THUMPD2: variants seen among roughly 807,000 people sequenced by gnomAD.
The protein encoded by THUMPD2 is THUMP domain 2 tRNA and snRNA guanosine methyltransferase.
THUMPD2 carries 56 observed loss-of-function variants against 49.4 expected under a neutral mutation model. The ratio of observed to expected loss-of-function variants is 1.13; its 90% CI spans 0.91 to 1.41. The LOEUF (loss-of-function observed/expected upper bound fraction) is 1.41, where lower values mean the gene tolerates loss of function less well. THUMPD2 is among the 40% of genes most tolerant of loss of function. THUMPD2 has a pLI of 0.00. For missense variants in THUMPD2, 709 were observed against 594.5 expected, an observed-to-expected ratio of 1.19 and a Z score of -2.00; for synonymous variants, 237 against 205.2, an observed-to-expected ratio of 1.15 and a Z score of -1.32.
At chr2:39,773,075 A>T (rs189690030) in intron 1 of THUMPD2, among the ~76,000 whole-genome samples, 2 of 152,314 alleles carry the variant, frequency 1.3e-5, no homozygotes, top group Admixed American at 1.3e-4. Context: ...ATCAATATAT[A>T]AGGGGATAGT....
chr2:39,750,883 G>T (rs546921739), intron 8 of THUMPD2, among the ~76,000 whole-genome samples: 13 of 152,238 alleles, frequency 8.5e-5, no homozygotes, highest in Admixed American at 2.6e-4. Flanking sequence ...TTAAGAAATA[G>T]AAGCTCAATA....
chr2:39,773,552 T>A (rs1215484804), intron 1 of THUMPD2, among the ~76,000 whole-genome samples: 1 of 37,488 alleles, frequency 2.7e-5, no homozygotes, highest in African/African-American at 2.0e-4. Flanking sequence ...TATATTTATA[T>A]TTAAAAATAT....
At chr2:39,757,632 A>G (rs1676313649) in intron 6 of THUMPD2, among the ~76,000 whole-genome samples, 1 of 152,116 alleles carries the variant, frequency 6.6e-6, no homozygotes, top group Admixed American at 6.5e-5. Flanking sequence ...AGATGGCTTT[A>G]CTTTACCTTA....
In THUMPD2 at chr2:39,779,257, C is replaced by T. The variant is rs530520779; in HGVS notation, c.-18G>A. On this transcript the variant is annotated 5_prime_UTR_variant, in exon 1 of 10. Coordinates refer to ENST00000505747, the MANE Select transcript of THUMPD2 (RefSeq NM_025264.5). ...TCCGACATGGCGGCTCAGGCGCGCC[C>T]TCGCGCCTTCGGGTCACGTGGCCTC... 6.8e-7 allele frequency: 1 copy of T among 1,465,232 alleles called. No homozygotes were observed. Among genetic ancestry groups the T allele is most frequent in the Non-Finnish European group, 9.0e-7 (1 of 1,115,968 alleles). The allele number at this position is 1,465,232 out of a possible 1,614,324, so 90.8% of individuals were successfully genotyped here. A position where few individuals can be genotyped will look rare whatever the true frequency, so the allele number is the denominator to read the frequency against.
chr2:39,745,469 C>G (rs2148196338), intron 8 of THUMPD2, among the ~76,000 whole-genome samples: 1 of 152,260 alleles, frequency 6.6e-6, no homozygotes, highest in Non-Finnish European at 1.5e-5. Context: ...TATGTTTTAA[C>G]CTCATGGTTT....
At chr2:39,757,460 G>C (rs1485078789) in intron 6 of THUMPD2, 26 of 1,258,134 alleles carry the variant, frequency 2.1e-5, no homozygotes, top group Middle Eastern at 2.2e-4. Context: ...CCCCCATGAA[G>C]GGGCAGTAAG....
At chr2:39,777,411 T>C (rs1679263276) in intron 1 of THUMPD2, among the ~76,000 whole-genome samples, 1 of 152,232 alleles carries the variant, frequency 6.6e-6, no homozygotes, top group Non-Finnish European at 1.5e-5. Flanking sequence ...TTTAGCCTAG[T>C]GGTAAAGCAC....
At chr2:39,751,681 ATTTT>A (rs11284104) in intron 8 of THUMPD2, among the ~76,000 whole-genome samples, 28 of 119,968 alleles carry the variant, frequency 2.3e-4, no homozygotes, top group Non-Finnish European at 3.8e-4. Flanking sequence ...ATATTAAAAG[ATTTT>A]TTTTTTTTTT....
chr2:39,769,000 T>C, intron 3 of THUMPD2: 1 of 1,304,676 alleles, frequency 7.7e-7, no homozygotes, highest in South Asian at 1.2e-5. Flanking sequence ...GGTCTGGTGA[T>C]GGCAACAGTT....
chr2:39,777,329 A>C (rs1032218575), intron 1 of THUMPD2, among the ~76,000 whole-genome samples: 1 of 152,204 alleles, frequency 6.6e-6, no homozygotes, highest in Non-Finnish European at 1.5e-5. Context: ...GATTCTAAAG[A>C]CCATACGTAC....
chr2:39,753,630 G>A lies in THUMPD2; in HGVS notation c.1078+1665C>T, dbSNP rs191459569. 5.3e-4 allele frequency among the ~76,000 whole-genome samples: 80 copies of A among 152,212 alleles called. 3 individuals are homozygous for A. The East Asian group carries it at 0.015, about 29-fold the overall frequency. On this transcript the variant is annotated intron_variant, in intron 8 of 9. Transcript: ENST00000505747. The stretch of plus-strand genomic sequence containing the variant: ...TAAACTCTAACTTGATCCACCATCC[G>A]TCTTCCCCATCTCAGTAACGACAAC...
chr2:39,771,253 A>G (rs551977832), intron 2 of THUMPD2, among the ~76,000 whole-genome samples: 1 of 152,256 alleles, frequency 6.6e-6, no homozygotes, highest in Admixed American at 6.5e-5. Flanking sequence ...CCTGATCATA[A>G]TTCTCAAAGA....
chr2:39,762,836 A>G (rs1244012568), intron 5 of THUMPD2, among the ~76,000 whole-genome samples: 2 of 151,298 alleles, frequency 1.3e-5, no homozygotes, highest in Non-Finnish European at 2.9e-5. Context: ...TATATATGAA[A>G]AAATGCTCTT....
chr2:39,775,415 TGA>T lies in THUMPD2; in HGVS notation c.126+3697_126+3698del, dbSNP rs1285842171. On this transcript the variant is annotated intron_variant, in intron 1 of 9. Coordinates refer to ENST00000505747, the MANE Select transcript of THUMPD2 (RefSeq NM_025264.5). ...CTACGTGATGGGTTAAGGTGTTGTT[TGA>T]GTTTGTTTTGGTTTATTTTAGAAGA... Among the ~76,000 whole-genome samples the T allele has an allele frequency of 2.6e-5, 4 of 152,270 alleles. No individual in the cohort carries two copies. The South Asian group carries it at 6.2e-4, about 24-fold the overall frequency.
At chr2:39,761,906 GA>G (rs1158344233) in intron 5 of THUMPD2, among the ~76,000 whole-genome samples, 2 of 152,198 alleles carry the variant, frequency 1.3e-5, no homozygotes, top group African/African-American at 4.8e-5. Context: ...CCCAAAAGAT[GA>G]AATGAAGCAT....
At chr2:39,749,815 G>A (rs59146573) in intron 8 of THUMPD2, among the ~76,000 whole-genome samples, 8,549 of 151,276 alleles carry the variant, frequency 0.057, 807 homozygotes, top group African/African-American at 0.19. Flanking sequence ...TGTTCTCATC[G>A]TTTAGCTCCC....
intron 4 of THUMPD2, 175 bp from the exon 5 acceptor site, chr2:39,766,284 G>T (rs1265878460): frequency 2.3e-6 from 1 of 442,178 alleles, no homozygotes; most frequent in Non-Finnish European, 4.0e-6. Flanking sequence ...TTAAGCAGAA[G>T]GAAACTAAAT....
At position 39,769,839 on chromosome 2, in the gene THUMPD2, G is replaced by T; in HGVS notation, c.543C>A (p.Ser181Arg). The change falls in exon 3 of 10, where the codon AGC becomes AGA. Residue 181 changes from serine (S) to arginine (R), a missense_variant. Ser to Arg is a moderately radical substitution (Grantham distance 110). Coordinates refer to ENST00000505747, the MANE Select transcript of THUMPD2 (RefSeq NM_025264.5). Reference sequence around the variant, plus strand: ...GAAATTCTTCTTCTTGAAACTTTTCGCTTTTAGTGGTAAAATCTCTTTGCT... The same window carrying T: ...GAAATTCTTCTTCTTGAAACTTTTCTCTTTTAGTGGTAAAATCTCTTTGCT... ...TLEQRDFTTK[S>R]EKFQEEEFQN... 6.2e-7 allele frequency: 1 copy of T among 1,611,512 alleles called. No homozygotes were observed. The highest frequency in any genetic ancestry group is 8.5e-7 in the Non-Finnish European group (1 of 1,179,080).
intron 6 of THUMPD2, among the ~76,000 whole-genome samples, chr2:39,759,990 CA>C (rs1676610093): frequency 6.6e-6 from 1 of 152,094 alleles, no homozygotes; most frequent in African/African-American, 2.4e-5. Flanking sequence ...TGGCAAAAAG[CA>C]ATAAACCTTG....
Sources: gnomAD v4.1 joint callset for allele counts (sites outside exome capture counted in the v4.1 genomes callset) on GRCh38, gnomAD v4.1.1 for gene constraint, MANE v1.5 for transcripts, NCBI Gene and HGNC (gene_info 2026-07-23, HGNC 2026-07-21) for gene names.